Variants in SLC35F4 observed in about 807,000 individuals in gnomAD.
SLC35F4 encodes chromosome 14 open reading frame 36.
A neutral mutation model predicts 44.2 loss-of-function variants in SLC35F4; 24 were observed. That is an observed-to-expected ratio of 0.54 (90% CI 0.39 to 0.76). The LOEUF (loss-of-function observed/expected upper bound fraction) is 0.76, where lower values mean the gene tolerates loss of function less well. Among genes scored for constraint, SLC35F4 ranks in the 30% least tolerant of loss-of-function variants. SLC35F4 has a pLI of 0.00. For missense variants in SLC35F4, 562 were observed against 586.1 expected (o/e 0.96, Z 0.42); for synonymous variants, 238 against 223.6 (o/e 1.06, Z -0.57).
intron 1 of SLC35F4, among the ~76,000 whole-genome samples, chr14:57,696,418 C>G (rs1438067102): frequency 6.6e-6 from 1 of 152,158 alleles, no homozygotes; most frequent in Non-Finnish European, 1.5e-5. Flanking sequence ...TGGGAAACAA[C>G]AGATGCTGGC....
At chr14:57,937,452 A>G (rs374130479) in intron 1 of SLC35F4, among the ~76,000 whole-genome samples, 12 of 152,174 alleles carry the variant, frequency 7.9e-5, no homozygotes, top group African/African-American at 2.9e-4. Flanking sequence ...TAAAATACAG[A>G]CTACAGATGG....
intron 1 of SLC35F4, among the ~76,000 whole-genome samples, chr14:57,798,400 A>G (rs1722897587): frequency 6.6e-6 from 1 of 152,186 alleles, no homozygotes. Context: ...TCTGTACTCA[A>G]TTTTAAATGA....
intron 3 of SLC35F4, among the ~76,000 whole-genome samples, chr14:57,581,873 G>T (rs1241535333): frequency 6.6e-6 from 1 of 152,154 alleles, no homozygotes; most frequent in African/African-American, 2.4e-5. Flanking sequence ...ATACATCTGT[G>T]CAGCACACAT....
chr14:57,749,018 G>A (rs2140550744), intron 1 of SLC35F4, among the ~76,000 whole-genome samples: 1 of 152,168 alleles, frequency 6.6e-6, no homozygotes, highest in South Asian at 2.1e-4. Context: ...AAGATACAAA[G>A]GCCCAGAGAA....
At chr14:57,813,949 C>T (rs1431547444) in intron 1 of SLC35F4, among the ~76,000 whole-genome samples, 1 of 152,148 alleles carries the variant, frequency 6.6e-6, no homozygotes, top group Non-Finnish European at 1.5e-5. Flanking sequence ...GCTTTAGGGT[C>T]TAGAAGTCTA....
Position 57,755,375 on chromosome 14 carries a change from G to C in SLC35F4, c.103+110348C>G, listed in dbSNP as rs2076972745. On this transcript the variant is annotated intron_variant, in intron 1 of 7. Transcript: ENST00000556826. Reference sequence around the variant, plus strand: ...CTCCTGTCATAACCCAGAGAGTAGGGAGCAGAAATAAGAGAGGCAAGCACA... The same window carrying C: ...CTCCTGTCATAACCCAGAGAGTAGGCAGCAGAAATAAGAGAGGCAAGCACA... 3.9e-5 allele frequency among the ~76,000 whole-genome samples: 6 copies of C among 152,144 alleles called. 1 individual carries two copies. The South Asian group carries it at 1.2e-3, about 32-fold the overall frequency.
chr14:57,871,975 T>C (rs1252316338), intron 1 of SLC35F4, among the ~76,000 whole-genome samples: 2 of 152,226 alleles, frequency 1.3e-5, no homozygotes, highest in African/African-American at 2.4e-5. Context: ...ATGTCTAAGA[T>C]CACTAGTTCT....
intron 1 of SLC35F4, among the ~76,000 whole-genome samples, chr14:57,605,341 A>G (rs1353586255): frequency 1.3e-4 from 20 of 152,210 alleles, no homozygotes; most frequent in Admixed American, 1.3e-3. Context: ...GCAGCCAAGA[A>G]ATACATGAAA....
At chr14:57,667,181 C>T (rs2074338663) in intron 1 of SLC35F4, among the ~76,000 whole-genome samples, 1 of 151,172 alleles carries the variant, frequency 6.6e-6, no homozygotes, top group South Asian at 2.1e-4. Flanking sequence ...TGTGTAAATA[C>T]CTGCAAGCAT....
chr14:57,693,507 G>A (rs1181585361), intron 1 of SLC35F4, among the ~76,000 whole-genome samples: 7 of 152,182 alleles, frequency 4.6e-5, no homozygotes, highest in African/African-American at 1.2e-4. Flanking sequence ...GTGCCTTAAG[G>A]ACAAGCTCCT....
chr14:57,770,980 T>C (rs537623675), intron 1 of SLC35F4, among the ~76,000 whole-genome samples: 1 of 152,188 alleles, frequency 6.6e-6, no homozygotes, highest in African/African-American at 2.4e-5. Context: ...ATGTCAAAAC[T>C]TCACTGGCCA....
At chr14:57,964,987 A>ATAT (rs1241968437) in intron 1 of SLC35F4, among the ~76,000 whole-genome samples, 336 of 131,346 alleles carry the variant, frequency 2.6e-3, no homozygotes, top group East Asian at 0.022. Flanking sequence ...AAAAAAAAAA[A>ATAT]AAAAATATAT....
intron 1 of SLC35F4, among the ~76,000 whole-genome samples, chr14:57,710,279 G>T (rs377522042): frequency 6.6e-6 from 1 of 152,232 alleles, no homozygotes; most frequent in Non-Finnish European, 1.5e-5. Flanking sequence ...GAGCCTGTTC[G>T]TGCACAGAAG....
chr14:57,790,356 G>A (rs144205048), intron 1 of SLC35F4, among the ~76,000 whole-genome samples: 1 of 151,568 alleles, frequency 6.6e-6, no homozygotes, highest in Admixed American at 6.6e-5. Flanking sequence ...ATAATAGAGA[G>A]ACAAATCATG....
At chr14:57,763,753 T>G (rs2077176465) in intron 1 of SLC35F4, among the ~76,000 whole-genome samples, 1 of 152,196 alleles carries the variant, frequency 6.6e-6, no homozygotes, top group Non-Finnish European at 1.5e-5. Context: ...CATTCCATAT[T>G]ATGGTAGCTT....
At chr14:57,568,310 A>C (rs138388606) in intron 6 of SLC35F4, among the ~76,000 whole-genome samples, 47 of 152,370 alleles carry the variant, frequency 3.1e-4, no homozygotes, top group African/African-American at 1.1e-3. Flanking sequence ...GGATATGCCA[A>C]GGAGTATATG....
chr14:57,832,885 G>A (rs964056374), intron 1 of SLC35F4, among the ~76,000 whole-genome samples: 7 of 152,110 alleles, frequency 4.6e-5, no homozygotes, highest in African/African-American at 7.2e-5. Context: ...TTGAGAAAAC[G>A]TGGTGAAATA....
Position 57,646,259 on chromosome 14 carries a change from T to G in SLC35F4, c.104-52135A>C, listed in dbSNP as rs370128550. ...CTGTGAATCCATCTGGTCCTGGACT[T>G]TTTTTGGTTGGTAAGCTATTAATTA... is the stretch of plus-strand genomic sequence containing the variant. On this transcript the variant is annotated intron_variant, in intron 1 of 7. Transcript: ENST00000556826. 1.1e-4 allele frequency among the ~76,000 whole-genome samples: 16 copies of G among 152,240 alleles called. No homozygotes were observed. The East Asian group carries it at 1.2e-3, about 11-fold the overall frequency.
At chr14:57,716,277 G>T (rs1356783043) in intron 1 of SLC35F4, among the ~76,000 whole-genome samples, 2 of 144,248 alleles carry the variant, frequency 1.4e-5, no homozygotes, top group African/African-American at 5.1e-5. Flanking sequence ...GAGGGTACCA[G>T]GTAATTTCTC....
Sources: gnomAD v4.1 joint callset for allele counts (sites outside exome capture counted in the v4.1 genomes callset) on GRCh38, gnomAD v4.1.1 for gene constraint, MANE v1.5 for transcripts, NCBI Gene and HGNC (gene_info 2026-07-23, HGNC 2026-07-21) for gene names.